Variants in SEC23A observed in about 807,000 individuals in gnomAD.
SEC23A encodes the protein SEC23 homolog A, COPII component.
A neutral mutation model predicts 103.7 loss-of-function variants in SEC23A; 56 were observed. The ratio of observed to expected loss-of-function variants is 0.54; its 90% CI spans 0.44 to 0.67. The LOEUF (loss-of-function observed/expected upper bound fraction) is 0.67. Among genes scored for constraint, SEC23A ranks in the 30% least tolerant of loss-of-function variants. SEC23A has a pLI of 0.00. For missense variants in SEC23A, 784 were observed against 936.4 expected (o/e 0.84, Z 2.12); for synonymous variants, 281 against 293.0 (o/e 0.96, Z 0.42).
intron 9 of SEC23A, among the ~76,000 whole-genome samples, chr14:39,071,631 G>A (rs1023757318): frequency 9.2e-5 from 14 of 152,150 alleles, no homozygotes; most frequent in South Asian, 4.1e-4. Context: ...TTCGGAGGCC[G>A]AGGAAGGCAG....
chr14:39,033,954 CA>C (rs1885384078), intron 19 of SEC23A, among the ~76,000 whole-genome samples: 2 of 152,138 alleles, frequency 1.3e-5, no homozygotes, highest in Admixed American at 1.3e-4. Flanking sequence ...TTCTTATACT[CA>C]AGTTCTTATT....
At chr14:39,084,248 G>A (rs915921381) in intron 7 of SEC23A, among the ~76,000 whole-genome samples, 7 of 151,138 alleles carry the variant, frequency 4.6e-5, no homozygotes, top group Non-Finnish European at 8.9e-5. Context: ...GGATGGTCTC[G>A]ATCTCCTGAC....
rs1332342512 is a variant in SEC23A at position 39,097,660 on chromosome 14, C to G, written c.-21-1521G>C. 2.0e-5 allele frequency among the ~76,000 whole-genome samples: 3 copies of G among 152,060 alleles called. No individual in the cohort carries two copies. The East Asian group carries it at 5.8e-4, about 29-fold the overall frequency. On this transcript the variant is annotated intron_variant, in intron 1 of 19. Coordinates refer to ENST00000307712, the MANE Select transcript of SEC23A (RefSeq NM_006364.4). Reference sequence around the variant, plus strand: ...ATAAGAAAATAAAAATTAAAGAAAACACTGTATTTCCTCCAATTGTGCCAG... The same window carrying G: ...ATAAGAAAATAAAAATTAAAGAAAAGACTGTATTTCCTCCAATTGTGCCAG...
At chr14:39,098,055 C>T (rs1345209023) in intron 1 of SEC23A, among the ~76,000 whole-genome samples, 1 of 151,646 alleles carries the variant, frequency 6.6e-6, no homozygotes, top group East Asian at 1.9e-4. Flanking sequence ...CACCACTGCA[C>T]TCCAGCCTGG....
intron 18 of SEC23A, 139 bp from the exon 19 acceptor site, chr14:39,039,235 T>C: frequency 1.4e-6 from 1 of 729,824 alleles, no homozygotes; most frequent in South Asian, 1.8e-5. Flanking sequence ...TTTTAAAAGA[T>C]TAAACTTTGA....
intron 10 of SEC23A, among the ~76,000 whole-genome samples, chr14:39,066,667 C>T (rs569779371): frequency 1.3e-5 from 2 of 152,164 alleles, no homozygotes; most frequent in Admixed American, 6.5e-5. Context: ...GAGTTCGAGA[C>T]CAGCCTGGCC....
intron 7 of SEC23A, among the ~76,000 whole-genome samples, chr14:39,078,383 A>G (rs1192071233): frequency 6.6e-6 from 1 of 152,224 alleles, no homozygotes; most frequent in Non-Finnish European, 1.5e-5. Flanking sequence ...CACATCACAG[A>G]TATCAAAAGT....
At chr14:39,083,481 C>T (rs1201303296) in intron 7 of SEC23A, among the ~76,000 whole-genome samples, 1 of 151,952 alleles carries the variant, frequency 6.6e-6, no homozygotes, top group Non-Finnish European at 1.5e-5. Context: ...ATTTATAAAA[C>T]CAACTGTGCT....
intron 13 of SEC23A, among the ~76,000 whole-genome samples, chr14:39,056,906 T>C (rs1886269664): frequency 6.6e-6 from 1 of 152,168 alleles, no homozygotes; most frequent in Non-Finnish European, 1.5e-5. Context: ...TATTAATATT[T>C]TTACTAGTCC....
At chr14:39,075,880 A>G (rs1886995971) in intron 8 of SEC23A, 55 bp downstream of exon 8, 2 of 1,461,044 alleles carry the variant, frequency 1.4e-6, no homozygotes, top group South Asian at 1.1e-5. Flanking sequence ...TTCTTCTGCC[A>G]GCAAATGAAT....
At chr14:39,041,596 G>A (rs1185169657) in intron 17 of SEC23A, among the ~76,000 whole-genome samples, 12 of 151,706 alleles carry the variant, frequency 7.9e-5, no homozygotes, top group South Asian at 4.2e-4. Flanking sequence ...TAGGTCGGGC[G>A]CGATGGCTCA....
At chr14:39,077,748 G>A (rs934654745) in intron 7 of SEC23A, among the ~76,000 whole-genome samples, 2 of 151,668 alleles carry the variant, frequency 1.3e-5, no homozygotes, top group African/African-American at 2.4e-5. Context: ...TGGCCAACAT[G>A]GCAAAACCCT....
At chr14:39,054,895 A>G (rs1228035483) in intron 14 of SEC23A, among the ~76,000 whole-genome samples, 4 of 152,248 alleles carry the variant, frequency 2.6e-5, no homozygotes, top group Admixed American at 2.6e-4. Flanking sequence ...GCCAATAAGA[A>G]TAGAAAAATA....
intron 13 of SEC23A, among the ~76,000 whole-genome samples, chr14:39,056,308 A>G (rs1886246326): frequency 6.6e-6 from 1 of 152,054 alleles, no homozygotes; most frequent in Non-Finnish European, 1.5e-5. Flanking sequence ...GATTCCCACA[A>G]CATTAGTAGA....
Position 39,098,099 on chromosome 14 carries a change from A to AG in SEC23A, c.-21-1961_-21-1960insC, listed in dbSNP as rs1293941220. Among the ~76,000 whole-genome samples, 5 of 152,030 alleles carry AG rather than the reference A, an allele frequency of 3.3e-5. No homozygotes were observed. In the East Asian group the frequency reaches 7.7e-4, roughly 23 times the overall value. Reference sequence around the variant, plus strand: ...ACAAGACTCCATCTCAAAAAAAAAAACAAAACTATTTTGAAGGTAAATATA... The same window carrying AG: ...ACAAGACTCCATCTCAAAAAAAAAAAGCAAAACTATTTTGAAGGTAAATATA... On this transcript the variant is annotated intron_variant, in intron 1 of 19. Coordinates refer to ENST00000307712, the MANE Select transcript of SEC23A (RefSeq NM_006364.4).
chr14:39,067,503 A>AC (rs1267358760), intron 9 of SEC23A, among the ~76,000 whole-genome samples: 2 of 147,598 alleles, frequency 1.4e-5, no homozygotes, highest in East Asian at 2.0e-4. Flanking sequence ...GTAACAGAGT[A>AC]CCCCTAACAG....
At chr14:39,101,934 A>C (rs1888111093) in intron 1 of SEC23A, among the ~76,000 whole-genome samples, 1 of 152,154 alleles carries the variant, frequency 6.6e-6, no homozygotes, top group Admixed American at 6.5e-5. Context: ...AAGTCAATTA[A>C]AAATAGCTGG....
At chr14:39,047,899 G>A (rs775762955) in intron 15 of SEC23A, among the ~76,000 whole-genome samples, 11 of 152,172 alleles carry the variant, frequency 7.2e-5, no homozygotes, top group Non-Finnish European at 1.6e-4. Flanking sequence ...ACTGCTCCAG[G>A]TGGAAAATAT....
chr14:39,048,039 G>A (rs1298368376), intron 15 of SEC23A, among the ~76,000 whole-genome samples: 1 of 152,214 alleles, frequency 6.6e-6, no homozygotes. Flanking sequence ...AGTCCTTCTG[G>A]TACCACTATA....
Sources: gnomAD v4.1 joint callset for allele counts (sites outside exome capture counted in the v4.1 genomes callset) on GRCh38, gnomAD v4.1.1 for gene constraint, MANE v1.5 for transcripts, NCBI Gene and HGNC (gene_info 2026-07-23, HGNC 2026-07-21) for gene names.